NRXN1: variants seen among roughly 807,000 people sequenced by gnomAD.
NRXN1 encodes the protein neurexin-1.
Under a neutral mutation model 150.9 loss-of-function variants are expected in NRXN1, and 39 were observed. The observed-to-expected ratio is 0.26, with a 90% CI of 0.20 to 0.34. The LOEUF (loss-of-function observed/expected upper bound fraction) is 0.34. NRXN1 is among the 10% of genes least tolerant of loss of function. The probability of loss-of-function intolerance (pLI) is 1.00; values close to 1 mark genes in which losing one functional copy is unlikely to be tolerated. For missense variants in NRXN1, 1,815 were observed against 1,949.9 expected (o/e 0.93, Z 1.30); for synonymous variants, 924 against 757.0 (o/e 1.22, Z -3.62).
chr2:50,190,618 T>G (rs907901468), intron 18 of NRXN1, among the ~76,000 whole-genome samples: 2 of 150,478 alleles, frequency 1.3e-5, no homozygotes, highest in African/African-American at 2.4e-5. Context: ...TTTTTCTTTT[T>G]TTTTTTTTTT....
chr2:50,130,412 C>A (rs1705303468), intron 18 of NRXN1, among the ~76,000 whole-genome samples: 1 of 152,128 alleles, frequency 6.6e-6, no homozygotes, highest in Non-Finnish European at 1.5e-5. Flanking sequence ...AAAAACAGAA[C>A]CCCCATCTCC....
At chr2:50,873,700 A>T (rs773499358) in intron 5 of NRXN1, among the ~76,000 whole-genome samples, 1 of 151,874 alleles carries the variant, frequency 6.6e-6, no homozygotes, top group Non-Finnish European at 1.5e-5. Context: ...GTAATTTTTC[A>T]AAACACCCAG....
chr2:50,599,074 C>G (rs1257278441), intron 8 of NRXN1, among the ~76,000 whole-genome samples: 1 of 151,884 alleles, frequency 6.6e-6, no homozygotes. Flanking sequence ...GTCTGGCCAA[C>G]TCTCCTATTT....
intron 5 of NRXN1, among the ~76,000 whole-genome samples, chr2:50,817,065 T>A (rs1285526534): frequency 6.6e-6 from 1 of 152,098 alleles, no homozygotes; most frequent in East Asian, 1.9e-4. Flanking sequence ...TCTCTCCCCA[T>A]GTTTTCATGA....
chr2:51,017,670 T>G (rs767506201), intron 2 of NRXN1, among the ~76,000 whole-genome samples: 2 of 151,824 alleles, frequency 1.3e-5, no homozygotes, highest in African/African-American at 4.8e-5. Context: ...AAATAGACAT[T>G]CATAAATGTA....
rs1002001550 is a variant in NRXN1 at position 50,486,912 on chromosome 2, T to C, written c.3070+8993A>G. The stretch of plus-strand genomic sequence containing the variant: ...AAAGAATACACTGGCAAACCTTGTG[T>C]ATTGTTCTGGGAATTAATTGAGATG... On this transcript the variant is annotated intron_variant, in intron 15 of 22. Transcript: ENST00000401669. 5.4e-4 allele frequency among the ~76,000 whole-genome samples: 82 copies of C among 152,284 alleles called. 1 individual carries two copies. The highest frequency in any genetic ancestry group is 1.9e-3 in the African/African-American group (80 of 41,556).
At chr2:50,804,379 A>C (rs1430217364) in intron 5 of NRXN1, among the ~76,000 whole-genome samples, 2 of 152,200 alleles carry the variant, frequency 1.3e-5, no homozygotes, top group African/African-American at 4.8e-5. Context: ...ATCTTGCTTA[A>C]TTTGCTTCAT....
At chr2:50,427,363 C>CAAA in intron 17 of NRXN1, among the ~76,000 whole-genome samples, 2 of 101,262 alleles carry the variant, frequency 2.0e-5, no homozygotes, top group East Asian at 4.8e-4. Flanking sequence ...TATATTCTGC[C>CAAA]AAAAAAAAAA....
chr2:49,980,206 T>C (rs1367662681), intron 21 of NRXN1, among the ~76,000 whole-genome samples: 1 of 152,174 alleles, frequency 6.6e-6, no homozygotes, highest in Non-Finnish European at 1.5e-5. Context: ...TGTTAAAGTT[T>C]ATTATGCATA....
intron 5 of NRXN1, among the ~76,000 whole-genome samples, chr2:50,845,944 TGTTA>T (rs1165234229): frequency 6.6e-6 from 1 of 152,212 alleles, no homozygotes; most frequent in African/African-American, 2.4e-5. Context: ...CCCATGAATT[TGTTA>T]GCTTGCAATC....
intron 5 of NRXN1, among the ~76,000 whole-genome samples, chr2:50,861,403 C>T (rs2106032381): frequency 6.6e-6 from 1 of 152,174 alleles, no homozygotes; most frequent in Admixed American, 6.6e-5. Flanking sequence ...GTTTCAAACT[C>T]TATTTTCTGA....
At chr2:50,893,211 T>A (rs1418825023) in intron 5 of NRXN1, among the ~76,000 whole-genome samples, 1 of 152,186 alleles carries the variant, frequency 6.6e-6, no homozygotes, top group Non-Finnish European at 1.5e-5. Context: ...AGCACCCAGC[T>A]GTCACATGTG....
chr2:50,790,135 C>CCAAACACACACACACACA (rs1554081438), intron 5 of NRXN1, among the ~76,000 whole-genome samples: 2 of 146,854 alleles, frequency 1.4e-5, no homozygotes, highest in African/African-American at 5.0e-5. Flanking sequence ...TTCCCTCCCA[C>CCAAACACACACACACACA]CACACACACA....
In NRXN1 at chr2:50,493,553, T is replaced by C. The variant is rs201733292; in HGVS notation, c.3070+2352A>G. Among the ~76,000 whole-genome samples the C allele has an allele frequency of 4.3e-4, 65 of 152,282 alleles. 1 individual carries two copies. In the East Asian group the frequency reaches 4.5e-3, roughly 10 times the overall value. On this transcript the variant is annotated intron_variant, in intron 15 of 22. Transcript: ENST00000401669. ...AAAGTCAATGCTCCATAAATACTCA[T>C]GCTCTGGCCAATGCCCACAGCCACC... is the stretch of plus-strand genomic sequence containing the variant.
In NRXN1 at chr2:50,998,351, A is replaced by C. The variant is rs1388946923; in HGVS notation, c.772+29151T>G. Among the ~76,000 whole-genome samples, 2 of 150,242 alleles carry C rather than the reference A, an allele frequency of 1.3e-5. 1 individual carries two copies. Among genetic ancestry groups the C allele is most frequent in the Non-Finnish European group, 2.9e-5 (2 of 67,880 alleles). ...TACTAAGTAGAATGTCACTGCATAT[A>C]GGGTATTGAAATACAGAAGCCATTT... On this transcript the variant is annotated intron_variant, in intron 2 of 22. Coordinates refer to ENST00000401669, the MANE Select transcript of NRXN1 (RefSeq NM_001330078.2).
At chr2:50,218,967 T>C (rs911796182) in intron 18 of NRXN1, among the ~76,000 whole-genome samples, 4 of 152,060 alleles carry the variant, frequency 2.6e-5, no homozygotes, top group African/African-American at 9.7e-5. Flanking sequence ...TATTTTTTTT[T>C]CTTCTCTATT....
chr2:50,739,218 C>A (rs1180711531), intron 5 of NRXN1: 1 of 492,536 alleles, frequency 2.0e-6, no homozygotes. Context: ...TAGAAATCGA[C>A]CAAGGGCACT....
At chr2:50,367,796 G>A (rs2079698678) in intron 17 of NRXN1, among the ~76,000 whole-genome samples, 1 of 151,932 alleles carries the variant, frequency 6.6e-6, no homozygotes, top group Non-Finnish European at 1.5e-5. Context: ...TATTGGCCAG[G>A]TGCTTACCAC....
chr2:50,680,646 T>G (rs1690244882), intron 5 of NRXN1, among the ~76,000 whole-genome samples: 1 of 152,092 alleles, frequency 6.6e-6, no homozygotes, highest in Non-Finnish European at 1.5e-5. Context: ...TACACAGCCT[T>G]TGTGAGATAG....
Sources: allele counts gnomAD v4.1 joint callset (sites outside exome capture counted in the v4.1 genomes callset), GRCh38; gene constraint gnomAD v4.1.1; transcripts MANE v1.5; gene names NCBI Gene and HGNC (gene_info 2026-07-23, HGNC 2026-07-21).